The following IRAG1 variants were observed in gnomAD, a reference collection of about 807,000 sequenced individuals.
The protein encoded by IRAG1 is inositol 1,4,5-triphosphate receptor associated 1, also known as IP3R-associated cGMP kinase substrate.
IRAG1 carries 62 observed loss-of-function variants against 106.2 expected under a neutral mutation model. The observed-to-expected ratio is 0.58, with a 90% CI of 0.48 to 0.72. The LOEUF is 0.72. Among genes scored for constraint, IRAG1 ranks in the 30% least tolerant of loss-of-function variants. The pLI is 0.00. For synonymous variants in IRAG1, 462 were observed against 443.9 expected (o/e 1.04, Z -0.51); for missense variants, 1,064 against 1,140.7 (o/e 0.93, Z 0.97).
At chr11:10,588,668 GCT>G (rs1349472374) in intron 18 of IRAG1, among the ~76,000 whole-genome samples, 2 of 152,060 alleles carry the variant, frequency 1.3e-5, no homozygotes, top group Non-Finnish European at 2.9e-5. Flanking sequence ...CATTTTCTAA[GCT>G]CTCTCTTCCC....
At chr11:10,687,846 T>C in intron 1 of IRAG1, 1 of 1,264,098 alleles carries the variant, frequency 7.9e-7, no homozygotes, top group Non-Finnish European at 1.0e-6. Context: ...GAATAGACAG[T>C]GGGCTAAGGG....
At chr11:10,629,219 C>A (rs1856504942) in intron 5 of IRAG1, among the ~76,000 whole-genome samples, 1 of 152,158 alleles carries the variant, frequency 6.6e-6, no homozygotes, top group African/African-American at 2.4e-5. Context: ...ACACACTTGC[C>A]CAACTTTTTG....
chr11:10,654,053 T>C (rs1858732493), intron 1 of IRAG1, among the ~76,000 whole-genome samples: 1 of 152,154 alleles, frequency 6.6e-6, no homozygotes, highest in African/African-American at 2.4e-5. Flanking sequence ...GCACCAACTG[T>C]GTTCCAGGTC....
intron 12 of IRAG1, among the ~76,000 whole-genome samples, chr11:10,604,763 G>A (rs1050949408): frequency 7.2e-5 from 11 of 152,212 alleles, no homozygotes; most frequent in African/African-American, 1.4e-4. Flanking sequence ...TCCCAGAACC[G>A]GAGGTCCAAA....
rs987762538 is a variant in IRAG1 at position 10,625,977 on chromosome 11, T to G, written c.1357A>C (p.Lys453Gln). 7.4e-6 allele frequency: 11 copies of G among 1,478,428 alleles called. No individual in the cohort carries two copies. The highest frequency in any genetic ancestry group is 9.9e-6 in the Non-Finnish European group (11 of 1,113,924). The allele number at this position is 1,478,428 out of a possible 1,614,324, so 91.6% of individuals were successfully genotyped here. A position where few individuals can be genotyped will look rare whatever the true frequency, so the allele number is the denominator to read the frequency against. Reference protein sequence around the residue: ...VQPVRMQKLTKLREEHILMRN... With the variant: ...VQPVRMQKLTQLREEHILMRN... ...CCCCAGGAACCCACCTCTCGGAGCTTGGTCAGTTTCTGCATCCGCACGGGC... is the reference window on the plus strand; with the variant it reads ...CCCCAGGAACCCACCTCTCGGAGCTGGGTCAGTTTCTGCATCCGCACGGGC... Residue 453 changes from lysine to glutamine, a missense_variant, in exon 9 of 21, where the codon AAG becomes CAG. By Grantham distance (53) the Lys-to-Gln change is moderately conservative. Transcript: ENST00000423302.
rs1856446119 is a variant in IRAG1, at chr11:10,628,583, G to A, written c.652+168C>T. Reference sequence around the variant, plus strand: ...AAAGTCTATCTGCCTCCTCTGGGTGGCCCAGCAAATGCCCCCCCTGGAGAG... The same window carrying A: ...AAAGTCTATCTGCCTCCTCTGGGTGACCCAGCAAATGCCCCCCCTGGAGAG... On this transcript the variant is annotated intron_variant, in intron 6 of 20. Transcript: ENST00000423302. This position sits in a 1 kb window ranked among gnomAD's most constrained non-coding sequence, Gnocchi z 4.1. 6.6e-6 allele frequency among the ~76,000 whole-genome samples: 1 copy of A among 151,906 alleles called. No individual in the cohort carries two copies. Among genetic ancestry groups the A allele is most frequent in the Non-Finnish European group, 1.5e-5 (1 of 68,008 alleles).
Position 10,575,253 on chromosome 11 carries a change from C to T in IRAG1, c.*1079G>A, listed in dbSNP as rs1370438449. 6.6e-6 allele frequency: 1 copy of T among 152,128 alleles called. No individual in the cohort carries two copies. Among genetic ancestry groups the T allele is most frequent in the Non-Finnish European group, 1.5e-5 (1 of 68,026 alleles). 9.4% of individuals were successfully genotyped at this position (152,128 alleles called of 1,614,324 possible). On this transcript the variant is annotated 3_prime_UTR_variant, in exon 21 of 21. Transcript: ENST00000423302. Reference sequence around the variant, plus strand: ...CCCTAATTATACTGGGGTTGGAAACCCCATTTGAACTGAAGCACTGAGGTG... The same window carrying T: ...CCCTAATTATACTGGGGTTGGAAACTCCATTTGAACTGAAGCACTGAGGTG...
chr11:10,621,075 T>C (rs936534026), intron 10 of IRAG1, among the ~76,000 whole-genome samples: 1 of 152,200 alleles, frequency 6.6e-6, no homozygotes, highest in African/African-American at 2.4e-5. Context: ...TTTTTCAGAA[T>C]TGATGGGGTT....
intron 17 of IRAG1, among the ~76,000 whole-genome samples, chr11:10,592,885 A>G (rs186545898): frequency 1.6e-3 from 242 of 152,338 alleles, no homozygotes; most frequent in African/African-American, 5.6e-3. Context: ...AAAAAGTACA[A>G]AACAGAATTA....
chr11:10,690,510 G>T, intron 1 of IRAG1: 1 of 1,187,114 alleles, frequency 8.4e-7, no homozygotes, highest in Non-Finnish European at 1.1e-6. Flanking sequence ...GAATTTGAAG[G>T]CCCATTTGTG....
chr11:10,586,858 A>G (rs965984364), intron 18 of IRAG1, among the ~76,000 whole-genome samples: 4 of 152,214 alleles, frequency 2.6e-5, no homozygotes, highest in African/African-American at 7.2e-5. Context: ...TGCCTGGCAT[A>G]CAGTAGGTGC....
At position 10,604,463 on chromosome 11, in the gene IRAG1, C is replaced by T. The variant is rs368966460; in HGVS notation, c.1685G>A (p.Arg562His). The T allele has an allele frequency of 2.4e-5, 39 of 1,613,910 alleles. No homozygotes were observed. Among genetic ancestry groups the T allele is most frequent in the Admixed American group, 5.0e-5 (3 of 60,014 alleles). ...CTCAGTGTTCTCCTCTGTCAGGTTG[C>T]GTTCCCTTTCAGCCTGGTTAATTCT... ...ESRINQAERE[R>H]NLTEENTEKE... The change falls in exon 13 of 21, where the codon CGC becomes CAC. Residue 562 changes from arginine to histidine, a missense_variant. Transcript: ENST00000423302.
chr11:10,607,003 C>T (rs1240979348), intron 11 of IRAG1, among the ~76,000 whole-genome samples: 1 of 152,176 alleles, frequency 6.6e-6, no homozygotes, highest in Non-Finnish European at 1.5e-5. Context: ...TCTCTCTAAG[C>T]CCCAGCGTGC....
intron 1 of IRAG1, among the ~76,000 whole-genome samples, chr11:10,680,551 G>A (rs1861173147): frequency 6.7e-6 from 1 of 149,020 alleles, no homozygotes; most frequent in Non-Finnish European, 1.5e-5. Context: ...GGAAGGGGAA[G>A]GGGAAGGGGA....
At position 10,652,032 on chromosome 11, in the gene IRAG1, G is replaced by A. The variant is rs1858559705; in HGVS notation, c.218C>T (p.Ala73Val). Residue 73 changes from alanine to valine, a missense_variant, in exon 2 of 21, where the codon GCC becomes GTC. By Grantham distance (64) the Ala-to-Val change is moderately conservative (BLOSUM62 0). Transcript: ENST00000423302. Reference sequence around the variant, plus strand: ...CAGGGAGGGGGCACTTACTTGGCCGGCAGGGCTCTGGGCTGCCTGTGGCTC... The same window carrying A: ...CAGGGAGGGGGCACTTACTTGGCCGACAGGGCTCTGGGCTGCCTGTGGCTC... The part of the protein sequence containing the change: ...PGEPQAAQSP[A>V]GQGPPAAGVS... 2.5e-6 allele frequency: 4 copies of A among 1,572,426 alleles called. No individual in the cohort carries two copies. The highest frequency in any genetic ancestry group is 1.8e-5 in the Admixed American group (1 of 54,454).
rs1489833092 is a variant in IRAG1, at chr11:10,655,382, AG to A, written c.68-3201del. 5.3e-5 allele frequency among the ~76,000 whole-genome samples: 8 copies of A among 152,328 alleles called. No individual in the cohort carries two copies. The East Asian group carries it at 1.5e-3, about 29-fold the overall frequency. ...CTTTAGCCCGGAGAAGAGGAAGTGCAGGGAGAAATAAAAATCTCTTCTCAGA... is the reference window on the plus strand; with the variant it reads ...CTTTAGCCCGGAGAAGAGGAAGTGCAGGAGAAATAAAAATCTCTTCTCAGA... On this transcript the variant is annotated intron_variant, in intron 1 of 20. Transcript: ENST00000423302.
chr11:10,651,107 CAA>C (rs1858459273), intron 2 of IRAG1, among the ~76,000 whole-genome samples: 1 of 152,184 alleles, frequency 6.6e-6, no homozygotes, highest in African/African-American at 2.4e-5. Context: ...CATTTCAATG[CAA>C]ATCAACTGCA....
rs899343126 is a variant in IRAG1 at position 10,668,028 on chromosome 11, C to T, written c.68-15846G>A. On this transcript the variant is annotated intron_variant, in intron 1 of 20. Transcript: ENST00000423302. ...AAGGTATCCTGCACCCCAGCCTCAC[C>T]TAATGCTCACTTTCCAGAATATTCC... Among the ~76,000 whole-genome samples, 4 of 152,174 alleles carry T rather than the reference C, an allele frequency of 2.6e-5. No homozygotes were observed. The East Asian group carries it at 7.7e-4, about 29-fold the overall frequency.
chr11:10,642,787 T>C (rs1289004615), intron 2 of IRAG1, among the ~76,000 whole-genome samples: 1 of 152,210 alleles, frequency 6.6e-6, no homozygotes, highest in Non-Finnish European at 1.5e-5. Flanking sequence ...ATCCCTGTCT[T>C]GTAGCCTGGA....
Sources: allele counts gnomAD v4.1 joint callset (sites outside exome capture counted in the v4.1 genomes callset), GRCh38; gene constraint gnomAD v4.1.1; non-coding constraint Gnocchi (gnomAD v3.1); transcripts MANE v1.5; gene names NCBI Gene and HGNC (gene_info 2026-07-23, HGNC 2026-07-21).